ELAC2: variants seen among roughly 807,000 people sequenced by gnomAD.
ELAC2 encodes the protein zinc phosphodiesterase ELAC protein 2.
Under a neutral mutation model 105.2 loss-of-function variants are expected in ELAC2, and 92 were observed. That is an observed-to-expected ratio of 0.87 (90% confidence interval 0.74 to 1.04). The LOEUF (loss-of-function observed/expected upper bound fraction) is 1.04. Ranked by LOEUF, ELAC2 falls within the 50% of genes least tolerant of loss-of-function variation. The pLI is 0.00. For synonymous variants in ELAC2, 468 were observed against 409.1 expected (o/e 1.14, Z -1.74); for missense variants, 1,099 against 1,071.7 (o/e 1.03, Z -0.36).
chr17:13,002,375 C>T lies in ELAC2; in HGVS notation c.1219-16G>A. The T allele has an allele frequency of 1.9e-6, 3 of 1,614,184 alleles. No homozygotes were observed. The highest frequency in any genetic ancestry group is 2.5e-6 in the Non-Finnish European group (3 of 1,180,050). On this transcript the variant is annotated splice_polypyrimidine_tract_variant and intron_variant, in intron 13 of 23. Coordinates refer to ENST00000338034, the MANE Select transcript of ELAC2 (RefSeq NM_018127.7). ...GGCCCTCCTTCTGAAAGAGACAAAA[C>T]ACATTCATGGAGAGAAAGAGAGGGG...
intron 14 of ELAC2, 183 bp from the exon 15 acceptor site, chr17:13,000,457 T>C (rs906028671): frequency 8.5e-5 from 56 of 656,440 alleles, no homozygotes; most frequent in African/African-American, 8.2e-4. Flanking sequence ...GGATGCTGCA[T>C]CGCTCTGCCT....
In ELAC2 at chr17:12,993,081, G is replaced by C. The variant is rs73978302; in HGVS notation, c.2254-36C>G. 7.3e-4 allele frequency: 1,162 copies of C among 1,590,224 alleles called. 7 individuals are homozygous for C. The African/African-American group carries it at 0.013, about 18-fold the overall frequency. ...CAATAGAAGACAAGGACATGTCTCA[G>C]AGGGGCAGGGGTGGGGGACAGGAGC... On this transcript the variant is annotated intron_variant, in intron 23 of 23. Coordinates refer to ENST00000338034, the MANE Select transcript of ELAC2 (RefSeq NM_018127.7).
chr17:12,993,407 G>A (rs571432319), intron 23 of ELAC2, among the ~76,000 whole-genome samples: 8 of 152,320 alleles, frequency 5.3e-5, no homozygotes, highest in African/African-American at 1.7e-4. Context: ...TCACAGGTCT[G>A]TGCTGAGGCT....
At chr17:12,995,876 A>T (rs920398703) in intron 18 of ELAC2, 64 bp from the exon 19 acceptor site, 34 of 1,585,148 alleles carry the variant, frequency 2.1e-5, no homozygotes, top group Non-Finnish European at 2.9e-5. Context: ...TGGAGTGCCA[A>T]GAGGCATGGC....
chr17:12,993,832 C>A lies in ELAC2; in HGVS notation c.2109-1G>T. ...CACGCTGATGGCTTGGGACGTTGTG[C>A]TGCAGGTGAAGGACAGAGCAGACTG... On this transcript the variant is annotated splice_acceptor_variant, in intron 22 of 23. Coordinates refer to ENST00000338034, the MANE Select transcript of ELAC2 (RefSeq NM_018127.7). LOFTEE classifies it high-confidence loss of function. 2 of 1,614,190 alleles carry A rather than the reference C, an allele frequency of 1.2e-6. No individual in the cohort carries two copies. Among genetic ancestry groups the A allele is most frequent in the Non-Finnish European group, 1.7e-6 (2 of 1,180,034 alleles).
chr17:13,000,536 G>A (rs2040734455), intron 14 of ELAC2: 1 of 493,126 alleles, frequency 2.0e-6, no homozygotes, highest in Non-Finnish European at 3.8e-6. Flanking sequence ...CAGTGCTGCT[G>A]TCCTGGTGCA....
Position 13,014,921 on chromosome 17 carries a change from C to T in ELAC2, c.433-425G>A, listed in dbSNP as rs189399796. Among the ~76,000 whole-genome samples, 217 of 152,294 alleles carry T rather than the reference C, an allele frequency of 1.4e-3. 1 individual carries two copies. The highest frequency in any genetic ancestry group is 6.3e-3 in the Admixed American group (97 of 15,296). ...AATTAGAAGAGGCAGAGGGAACCCG[C>T]GGAAGGGCGAAAGTCCTGAAGTGGC... On this transcript the variant is annotated intron_variant, in intron 4 of 23. Coordinates refer to ENST00000338034, the MANE Select transcript of ELAC2 (RefSeq NM_018127.7).
chr17:12,993,437 AGCAGTCCAG>A (rs2040303453), intron 23 of ELAC2, among the ~76,000 whole-genome samples: 2 of 152,352 alleles, frequency 1.3e-5, no homozygotes, highest in South Asian at 4.1e-4. Context: ...TGACTGTGTG[AGCAGTCCAG>A]GCCTAAAAGG....
Position 13,000,201 on chromosome 17 carries a change from C to G in ELAC2, c.1378G>C (p.Val460Leu). 1 of 1,614,074 alleles carries G rather than the reference C, an allele frequency of 6.2e-7. No individual in the cohort carries two copies. The highest frequency in any genetic ancestry group is 8.5e-7 in the Non-Finnish European group (1 of 1,180,042). ...TGCGCACTCCTCCTGTACTCCTGCA[C>G]GCTCTGCTGGAAGTTGGGAAGCTGC... ...ALQLPNFQQS[V>L]QEYRRSAQDG... Residue 460 changes from valine to leucine, a missense_variant, in exon 15 of 24, where the codon GTG (valine) becomes CTG (leucine). By Grantham distance (32) the Val-to-Leu change is conservative. Coordinates refer to ENST00000338034, the MANE Select transcript of ELAC2 (RefSeq NM_018127.7).
In ELAC2 at chr17:13,017,781, T is replaced by C; in HGVS notation, c.167A>G (p.Asn56Ser). The stretch of plus-strand genomic sequence containing the variant: ...TGCCACCACCTGCAGGTACACGGTG[T>C]TTGGGCCGCCGGAGCACCCCGACGG... The part of the protein sequence containing the change: ...RGPSGCSGGP[N>S]TVYLQVVAAG... Residue 56 changes from asparagine to serine, a missense_variant, in exon 1 of 24, where the codon AAC becomes AGC. Transcript: ENST00000338034. The C allele has an allele frequency of 6.2e-7, 1 of 1,610,194 alleles. No individual in the cohort carries two copies. The highest frequency in any genetic ancestry group is 8.5e-7 in the Non-Finnish European group (1 of 1,178,756).
At chr17:13,005,128 TGG>T in intron 10 of ELAC2, 27 bp from the exon 11 acceptor site, 1 of 1,532,334 alleles carries the variant, frequency 6.5e-7, no homozygotes, top group Non-Finnish European at 9.0e-7. Flanking sequence ...GCCCGCCCAC[TGG>T]GGGTCACAGC....
At chr17:13,014,345 T>G in intron 5 of ELAC2, 94 bp downstream of exon 5, 2 of 915,694 alleles carry the variant, frequency 2.2e-6, no homozygotes, top group Non-Finnish European at 3.6e-6. Context: ...GATTTTGAGG[T>G]TTGATGTTGA....
intron 16 of ELAC2, among the ~76,000 whole-genome samples, chr17:12,998,169 A>C (rs2040567833): frequency 1.3e-5 from 2 of 152,220 alleles, no homozygotes; most frequent in South Asian, 4.1e-4. Context: ...TACTGCCCAC[A>C]GTAAAATCAG....
chr17:13,017,911 C>G lies in ELAC2; in HGVS notation c.37G>C (p.Gly13Arg), dbSNP rs1187090658. The stretch of plus-strand genomic sequence containing the variant: ...GTGCGTCCCTGCGACATGGTGCGTC[C>G]GGCCGCGGACCGCAGCAGCGAGCAA... ...ALCSLLRSAA[G>R]RTMSQGRTIS... The change falls in exon 1 of 24, where the codon GGA becomes CGA. Residue 13 changes from glycine (G) to arginine (R), a missense_variant. Physicochemically the swap from Gly to Arg is moderately radical, Grantham distance 125. Transcript: ENST00000338034. 1 of 1,540,730 alleles carries G rather than the reference C, an allele frequency of 6.5e-7. No homozygotes were observed. The highest frequency in any genetic ancestry group is 8.7e-7 in the Non-Finnish European group (1 of 1,146,730).
At chr17:12,996,711 C>T (rs375507797) in intron 16 of ELAC2, 26 bp from the exon 17 acceptor site, 16 of 1,610,082 alleles carry the variant, frequency 9.9e-6, no homozygotes, top group Non-Finnish European at 1.4e-5. Context: ...GGAAGAGAGT[C>T]ACTGCCACTA....
chr17:12,998,562 G>A, intron 15 of ELAC2, 54 bp from the exon 16 acceptor site: 1 of 1,491,718 alleles, frequency 6.7e-7, no homozygotes, highest in Non-Finnish European at 9.4e-7. Context: ...AAGTGAGCCA[G>A]CATGCAGCCA....
chr17:13,012,166 G>A (rs1032832109), intron 6 of ELAC2, among the ~76,000 whole-genome samples: 7 of 152,132 alleles, frequency 4.6e-5, no homozygotes, highest in East Asian at 1.9e-4. Context: ...AAAAAAATTC[G>A]CTGCTCTAAG....
rs552703145 is a variant in ELAC2 at position 12,995,779 on chromosome 17, C to T, written c.1732G>A (p.Val578Met). The T allele has an allele frequency of 3.1e-6, 5 of 1,612,832 alleles. No homozygotes were observed. The South Asian group carries it at 4.4e-5, about 14-fold the overall frequency. ...SLGKPLHPLL[V>M]VAPNQLKAWL... Reference sequence around the variant, plus strand: ...GCTTTGAGCTGGTTGGGGGCAACCACCAGCAAAGGGTGAAGCGGCTTTCCC... The same window carrying T: ...GCTTTGAGCTGGTTGGGGGCAACCATCAGCAAAGGGTGAAGCGGCTTTCCC... The change falls in exon 19 of 24, where the codon GTG (valine) becomes ATG (methionine). Residue 578 changes from valine (V) to methionine (M), a missense_variant. Transcript: ENST00000338034.
intron 8 of ELAC2, among the ~76,000 whole-genome samples, chr17:13,008,823 G>A (rs534165033): frequency 7.9e-5 from 12 of 152,260 alleles, no homozygotes; most frequent in Non-Finnish European, 1.6e-4. Flanking sequence ...GGCGTTATAG[G>A]CTAATCCAGT....
Sources: gnomAD v4.1 joint callset for allele counts (sites outside exome capture counted in the v4.1 genomes callset) on GRCh38, gnomAD v4.1.1 for gene constraint, MANE v1.5 for transcripts, NCBI Gene and HGNC (gene_info 2026-07-23, HGNC 2026-07-21) for gene names.